Variants in IGLL5 observed in about 807,000 individuals in gnomAD.
IGLL5 encodes immunoglobulin lambda-like polypeptide 5.
Under a neutral mutation model 20.9 loss-of-function variants are expected in IGLL5, and 30 were observed. The observed-to-expected ratio is 1.44, with a 90% confidence interval of 1.07 to 1.95. The LOEUF (loss-of-function observed/expected upper bound fraction) is 1.95. Among genes scored for constraint, IGLL5 ranks in the 30% most tolerant of loss-of-function variants. IGLL5 has a pLI of 0.00. For synonymous variants in IGLL5, 203 were observed against 117.3 expected (o/e 1.73, Z -4.72); for missense variants, 475 against 270.7 (o/e 1.75, Z -5.30).
intron 1 of IGLL5, among the ~76,000 whole-genome samples, chr22:22,889,103 G>C (rs2067686219): frequency 6.6e-6 from 1 of 151,204 alleles, no homozygotes; most frequent in Non-Finnish European, 1.5e-5. Flanking sequence ...TCAGATTTGT[G>C]TTTTTGGAAA....
At chr22:22,889,567 A>C (rs1171870170) in intron 1 of IGLL5, among the ~76,000 whole-genome samples, 1 of 151,094 alleles carries the variant, frequency 6.6e-6, no homozygotes, top group African/African-American at 2.4e-5. Context: ...GGGTGTGAAA[A>C]AACACAATTG....
At chr22:22,894,255 T>G (rs575801332) in intron 2 of IGLL5, among the ~76,000 whole-genome samples, 1 of 151,020 alleles carries the variant, frequency 6.6e-6, no homozygotes, top group African/African-American at 2.4e-5. Context: ...GGGTCTAGGC[T>G]GAGGACTGGA....
At chr22:22,893,240 A>G (rs1020492448) in intron 1 of IGLL5, among the ~76,000 whole-genome samples, 12 of 151,196 alleles carry the variant, frequency 7.9e-5, no homozygotes, top group African/African-American at 2.9e-4. Flanking sequence ...CTCAGAGATC[A>G]GAAAAAGCTT....
chr22:22,892,007 T>C (rs2067863457), intron 1 of IGLL5, among the ~76,000 whole-genome samples: 1 of 151,158 alleles, frequency 6.6e-6, no homozygotes, highest in African/African-American at 2.4e-5. Context: ...CTCTCCCCCT[T>C]TTATGTCATT....
Position 22,888,464 on chromosome 22 carries a change from A to G in IGLL5, c.206+205A>G, listed in dbSNP as rs151079072. ...GTTTTTAATATCATATTACGATATT[A>G]TTTTTCTTGATTTCTGAGTTTTCTG... is the stretch of plus-strand genomic sequence containing the variant. On this transcript the variant is annotated intron_variant, in intron 1 of 2. Coordinates refer to ENST00000526893, the MANE Select transcript of IGLL5 (RefSeq NM_001178126.2). Among the ~76,000 whole-genome samples, 15 of 151,104 alleles carry G rather than the reference A, an allele frequency of 9.9e-5. 1 individual carries two copies. Among genetic ancestry groups the G allele is most frequent in the Admixed American group, 3.3e-4 (5 of 15,080 alleles).
chr22:22,888,931 GC>G, intron 1 of IGLL5, among the ~76,000 whole-genome samples: 1 of 151,330 alleles, frequency 6.6e-6, no homozygotes, highest in South Asian at 2.1e-4. Flanking sequence ...GGTGATGGGT[GC>G]CCCCAAAAGA....
In IGLL5 at chr22:22,888,357, T is replaced by C. The variant is rs1445749181; in HGVS notation, c.206+98T>C. The C allele has an allele frequency of 1.0e-5, 12 of 1,158,800 alleles. 1 individual carries two copies. The highest frequency in any genetic ancestry group is 3.0e-4 in the Middle Eastern group (1 of 3,378). 71.8% of individuals were successfully genotyped at this position (1,158,800 alleles called of 1,614,324 possible). On this transcript the variant is annotated intron_variant, in intron 1 of 2. Transcript: ENST00000526893. Reference sequence around the variant, plus strand: ...AAGCCAGAGGAGTGAGGAGGAAGGTTAACCCCTAAGAGGGGCCTGGGCTGA... The same window carrying C: ...AAGCCAGAGGAGTGAGGAGGAAGGTCAACCCCTAAGAGGGGCCTGGGCTGA...
chr22:22,893,893 G>T (rs190155245), intron 2 of IGLL5, 75 bp downstream of exon 2: 15 of 1,020,404 alleles, frequency 1.5e-5, no homozygotes, highest in Middle Eastern at 2.0e-4. Flanking sequence ...TCTCTCTGGG[G>T]CTTCCTCCCC....
intron 1 of IGLL5, among the ~76,000 whole-genome samples, chr22:22,888,891 G>C (rs559891790): frequency 1.3e-5 from 2 of 151,380 alleles, no homozygotes; most frequent in African/African-American, 4.8e-5. Context: ...TGATGCCCAG[G>C]CTGGTCTCAC....
chr22:22,895,091 G>C (rs976921731), intron 2 of IGLL5, among the ~76,000 whole-genome samples: 1 of 151,360 alleles, frequency 6.6e-6, no homozygotes, highest in Non-Finnish European at 1.5e-5. Context: ...AGAGAAGAAG[G>C]AACACAGCCT....
chr22:22,888,698 G>C (rs182220946), intron 1 of IGLL5, among the ~76,000 whole-genome samples: 15 of 151,182 alleles, frequency 9.9e-5, no homozygotes, highest in East Asian at 6.1e-4. Context: ...GGAGAAGGCA[G>C]CAAGGGCTTG....
chr22:22,894,054 GGGTCA>G, intron 2 of IGLL5, among the ~76,000 whole-genome samples: 2 of 151,512 alleles, frequency 1.3e-5, no homozygotes, highest in Middle Eastern at 7.5e-3. Context: ...GGATTGGGCA[GGGTCA>G]GGGCTCCTCC....
rs537757846 is a variant in IGLL5 at position 22,888,079 on chromosome 22, G to A, written c.26G>A (p.Gly9Asp). The A allele has an allele frequency of 6.5e-6, 10 of 1,549,254 alleles. No individual in the cohort carries two copies. The highest frequency in any genetic ancestry group is 1.7e-4 in the Middle Eastern group (1 of 5,960). Residue 9 changes from glycine (G) to aspartate (D), a missense_variant, in exon 1 of 3, where the codon GGT becomes GAT. Transcript: ENST00000526893. ...ATGAGACCCAAGACAGGCCAAGTGGGTTGTGAGACCCCTGAGGAGCTGGGC... is the reference window on the plus strand; with the variant it reads ...ATGAGACCCAAGACAGGCCAAGTGGATTGTGAGACCCCTGAGGAGCTGGGC... MRPKTGQV[G>D]CETPEELGPG...
At chr22:22,893,861 T>TA in intron 2 of IGLL5, 43 bp downstream of exon 2, 1 of 1,328,094 alleles carries the variant, frequency 7.5e-7, no homozygotes, top group East Asian at 2.3e-5. Context: ...CACCCTCTGC[T>TA]GTCCCTGGAA....
At chr22:22,888,807 A>T (rs1296160013) in intron 1 of IGLL5, among the ~76,000 whole-genome samples, 2 of 151,378 alleles carry the variant, frequency 1.3e-5, no homozygotes, top group African/African-American at 4.8e-5. Flanking sequence ...AACCGAGGGG[A>T]GCTGTCCAGT....
At position 22,888,044 on chromosome 22, in the gene IGLL5, C is replaced by G. The variant is rs551248126; in HGVS notation, c.-10C>G. The G allele has an allele frequency of 5.8e-6, 9 of 1,548,736 alleles. No individual in the cohort carries two copies. Among genetic ancestry groups the G allele is most frequent in the Middle Eastern group, 1.7e-4 (1 of 5,948 alleles). ...AGTCGGGCCAGAGGTGCCCCTGAACCTGAAGGCCAATGAGACCCAAGACAG... is the reference window on the plus strand; with the variant it reads ...AGTCGGGCCAGAGGTGCCCCTGAACGTGAAGGCCAATGAGACCCAAGACAG... On this transcript the variant is annotated 5_prime_UTR_variant, in exon 1 of 3. Transcript: ENST00000526893.
intron 2 of IGLL5, among the ~76,000 whole-genome samples, chr22:22,894,349 C>T (rs561421074): frequency 6.6e-6 from 1 of 151,368 alleles, no homozygotes; most frequent in Non-Finnish European, 1.5e-5. Flanking sequence ...ACAGAGAGGG[C>T]TCTGGGTCTA....
chr22:22,895,025 T>A (rs1368978421), intron 2 of IGLL5, among the ~76,000 whole-genome samples: 1 of 150,782 alleles, frequency 6.6e-6, no homozygotes, highest in African/African-American at 2.4e-5. Context: ...GGTATAGGGA[T>A]GGAAATGAGG....
chr22:22,893,213 T>C (rs2067902596), intron 1 of IGLL5, among the ~76,000 whole-genome samples: 2 of 150,972 alleles, frequency 1.3e-5, no homozygotes, highest in African/African-American at 4.9e-5. Flanking sequence ...ACTGGATGGA[T>C]GGGTAGACAG....
Sources: gnomAD v4.1 joint callset for allele counts (sites outside exome capture counted in the v4.1 genomes callset) on GRCh38, gnomAD v4.1.1 for gene constraint, MANE v1.5 for transcripts, NCBI Gene and HGNC (gene_info 2026-07-23, HGNC 2026-07-21) for gene names.